The following DLG2 variants were observed in gnomAD, a reference collection of about 807,000 sequenced individuals.
DLG2 encodes the protein disks large homolog 2.
DLG2 carries 45 observed loss-of-function variants against 132.5 expected under a neutral mutation model. The ratio of observed to expected loss-of-function variants is 0.34; its 90% CI spans 0.27 to 0.44. The LOEUF is 0.44. DLG2 is among the 20% of genes least tolerant of loss of function. The pLI is 1.00. For missense variants in DLG2, 1,045 were observed against 1,196.9 expected, an observed-to-expected ratio of 0.87 and a Z score of 1.87; for synonymous variants, 424 against 419.6, an observed-to-expected ratio of 1.01 and a Z score of -0.13.
intron 14 of DLG2, among the ~76,000 whole-genome samples, chr11:83,947,695 C>T (rs1421021004): frequency 6.6e-6 from 1 of 151,998 alleles, no homozygotes; most frequent in African/African-American, 2.4e-5. Context: ...GATAATAACC[C>T]GTGGCATAGG....
chr11:84,127,004 G>C (rs1206981897), intron 9 of DLG2, among the ~76,000 whole-genome samples: 2 of 152,176 alleles, frequency 1.3e-5, no homozygotes, highest in African/African-American at 2.4e-5. Context: ...CCAATCTAGA[G>C]AGCAGCTTGA....
intron 19 of DLG2, among the ~76,000 whole-genome samples, chr11:83,630,556 G>T (rs1370497019): frequency 6.6e-6 from 1 of 152,148 alleles, no homozygotes; most frequent in African/African-American, 2.4e-5. Context: ...AAACCTCAAA[G>T]ACATTTGTGT....
At chr11:83,585,667 A>T (rs557413350) in intron 19 of DLG2, among the ~76,000 whole-genome samples, 1 of 152,340 alleles carries the variant, frequency 6.6e-6, no homozygotes, top group African/African-American at 2.4e-5. Flanking sequence ...ACATTACTTG[A>T]ATAGTATTTT....
At chr11:85,275,580 T>C (rs749635449) in intron 4 of DLG2, among the ~76,000 whole-genome samples, 72 of 152,260 alleles carry the variant, frequency 4.7e-4, no homozygotes, top group Non-Finnish European at 8.7e-4. Context: ...ATTCAGTTCT[T>C]GGACAGTGCT....
At chr11:84,505,853 G>C (rs889475713) in intron 7 of DLG2, among the ~76,000 whole-genome samples, 16 of 152,044 alleles carry the variant, frequency 1.1e-4, no homozygotes, top group African/African-American at 3.9e-4. Flanking sequence ...GTATTTTATA[G>C]TTCAATCTCA....
chr11:83,848,561 A>G (rs1023245989), intron 16 of DLG2, among the ~76,000 whole-genome samples: 1 of 152,122 alleles, frequency 6.6e-6, no homozygotes, highest in Non-Finnish European at 1.5e-5. Flanking sequence ...CTGCTCATCT[A>G]GTACTTCCAA....
intron 18 of DLG2, among the ~76,000 whole-genome samples, chr11:83,668,866 TA>T (rs200514071): frequency 0.039 from 4,513 of 115,608 alleles, 265 homozygotes; most frequent in South Asian, 0.079. Context: ...TATATATATA[TA>T]TTTTTTTTTT....
At chr11:83,621,881 T>C (rs919808689) in intron 19 of DLG2, among the ~76,000 whole-genome samples, 2 of 152,088 alleles carry the variant, frequency 1.3e-5, no homozygotes, top group African/African-American at 4.8e-5. Flanking sequence ...GGCATTATGC[T>C]CTGCTCTCAC....
intron 2 of DLG2, among the ~76,000 whole-genome samples, chr11:85,617,634 C>T (rs908736653): frequency 1.3e-5 from 2 of 152,346 alleles, no homozygotes; most frequent in African/African-American, 4.8e-5. Flanking sequence ...AAAGTAGAGT[C>T]ATTGCCTTAA....
intron 21 of DLG2, among the ~76,000 whole-genome samples, chr11:83,486,873 T>C (rs2093548330): frequency 6.6e-6 from 1 of 152,142 alleles, no homozygotes; most frequent in Admixed American, 6.6e-5. Flanking sequence ...TAGCTAAACA[T>C]TTCAACTATA....
chr11:85,377,704 T>G (rs1384347315), intron 3 of DLG2, among the ~76,000 whole-genome samples: 1 of 151,610 alleles, frequency 6.6e-6, no homozygotes, highest in African/African-American at 2.4e-5. Flanking sequence ...GGCATTTATA[T>G]TCTATGATTC....
At chr11:84,260,849 C>G (rs886527046) in intron 7 of DLG2, among the ~76,000 whole-genome samples, 2 of 152,144 alleles carry the variant, frequency 1.3e-5, no homozygotes, top group Non-Finnish European at 2.9e-5. Flanking sequence ...TGACTCACAC[C>G]GAGCTTTTAC....
chr11:83,658,943 C>T (rs769826486), intron 18 of DLG2, among the ~76,000 whole-genome samples: 1 of 152,160 alleles, frequency 6.6e-6, no homozygotes, highest in Non-Finnish European at 1.5e-5. Flanking sequence ...GACACTTGCT[C>T]CAGGTTACTT....
chr11:84,929,401 T>C (rs1566427009), intron 6 of DLG2, among the ~76,000 whole-genome samples: 2 of 152,006 alleles, frequency 1.3e-5, no homozygotes, highest in Admixed American at 6.6e-5. Flanking sequence ...TAACATATGA[T>C]ATAAAGAATT....
At chr11:83,670,564 T>C (rs1435311991) in intron 18 of DLG2, among the ~76,000 whole-genome samples, 2 of 151,820 alleles carry the variant, frequency 1.3e-5, no homozygotes, top group Non-Finnish European at 2.9e-5. Flanking sequence ...AATTTTAAGA[T>C]GTAAGAAAAT....
chr11:84,065,635 G>C (rs2096659246), intron 10 of DLG2, among the ~76,000 whole-genome samples: 1 of 152,124 alleles, frequency 6.6e-6, no homozygotes, highest in Non-Finnish European at 1.5e-5. Flanking sequence ...AATTAGTTCA[G>C]CCATTGTGGG....
intron 21 of DLG2, among the ~76,000 whole-genome samples, chr11:83,516,085 A>G (rs981281140): frequency 6.6e-6 from 1 of 151,918 alleles, no homozygotes; most frequent in African/African-American, 2.4e-5. Flanking sequence ...ATCCTTGTTA[A>G]TTTTCTGTCC....
chr11:84,187,416 A>T (rs2096297647), intron 8 of DLG2, among the ~76,000 whole-genome samples: 1 of 152,028 alleles, frequency 6.6e-6, no homozygotes, highest in Non-Finnish European at 1.5e-5. Context: ...AAAGATTCAG[A>T]GGTAGTGTAC....
chr11:83,770,956 T>G (rs2094368465), intron 18 of DLG2, among the ~76,000 whole-genome samples: 1 of 152,202 alleles, frequency 6.6e-6, no homozygotes, highest in African/African-American at 2.4e-5. Context: ...TTGAATCTAT[T>G]AGAAGGAGGG....
Sources: gnomAD v4.1 joint callset for allele counts (sites outside exome capture counted in the v4.1 genomes callset) on GRCh38, gnomAD v4.1.1 for gene constraint, MANE v1.5 for transcripts, NCBI Gene and HGNC (gene_info 2026-07-23, HGNC 2026-07-21) for gene names.